FAM184B: variants seen among roughly 807,000 people sequenced by gnomAD.
FAM184B encodes the protein protein FAM184B.
FAM184B carries 111 observed loss-of-function variants against 135.9 expected under a neutral mutation model. That is an observed-to-expected ratio of 0.82 (90% CI 0.70 to 0.96). The LOEUF (loss-of-function observed/expected upper bound fraction) is 0.96. Ranked by LOEUF, FAM184B falls within the 40% of genes least tolerant of loss-of-function variation. The probability of loss-of-function intolerance (pLI) is 0.00; values close to 1 mark genes in which losing one functional copy is unlikely to be tolerated. For synonymous variants in FAM184B, 552 were observed against 524.8 expected (o/e 1.05, Z -0.71); for missense variants, 1,375 against 1,323.9 (o/e 1.04, Z -0.60).
chr4:17,732,078 A>G (rs1175380873), intron 1 of FAM184B, among the ~76,000 whole-genome samples: 1 of 152,230 alleles, frequency 6.6e-6, no homozygotes, highest in Non-Finnish European at 1.5e-5. Flanking sequence ...CCTGCTCCTG[A>G]GTGACTACTG....
chr4:17,779,550 A>T (rs1718994526), intron 1 of FAM184B, among the ~76,000 whole-genome samples: 1 of 152,224 alleles, frequency 6.6e-6, no homozygotes, highest in Non-Finnish European at 1.5e-5. Context: ...TTGCTATTTT[A>T]TATTGAAATG....
At chr4:17,728,295 G>A (rs1379147968) in intron 1 of FAM184B, among the ~76,000 whole-genome samples, 1 of 152,150 alleles carries the variant, frequency 6.6e-6, no homozygotes, top group Non-Finnish European at 1.5e-5. Flanking sequence ...GCTGAGATGG[G>A]AGGATTGCTA....
At chr4:17,653,457 TACA>T (rs1715686309) in intron 10 of FAM184B, among the ~76,000 whole-genome samples, 1 of 152,228 alleles carries the variant, frequency 6.6e-6, no homozygotes, top group African/African-American at 2.4e-5. Context: ...GAGGGGTCCC[TACA>T]GCTTTTCAGT....
intron 1 of FAM184B, among the ~76,000 whole-genome samples, chr4:17,744,405 C>CT (rs1419732984): frequency 2.6e-5 from 4 of 151,456 alleles, no homozygotes; most frequent in Non-Finnish European, 5.9e-5. Context: ...CGAGGCAGGC[C>CT]TTGGGGGCTG....
At chr4:17,768,112 T>C (rs562859380) in intron 1 of FAM184B, among the ~76,000 whole-genome samples, 35 of 152,384 alleles carry the variant, frequency 2.3e-4, no homozygotes, top group African/African-American at 8.4e-4. Flanking sequence ...GAAGTTCTTT[T>C]GATTTTGTTC....
intron 10 of FAM184B, 106 bp from the exon 11 acceptor site, chr4:17,653,089 C>G (rs1373147524): frequency 2.7e-6 from 3 of 1,101,484 alleles, no homozygotes; most frequent in Non-Finnish European, 4.0e-6. Flanking sequence ...AACACTCGCA[C>G]TCTCCCATGG....
At chr4:17,669,803 G>T (rs1335850375) in intron 7 of FAM184B, among the ~76,000 whole-genome samples, 1 of 152,156 alleles carries the variant, frequency 6.6e-6, no homozygotes. Flanking sequence ...GACAAAATGA[G>T]CTAGGATGAG....
rs1714879840 is a variant in FAM184B at position 17,630,128 on chromosome 4, A to G, written c.*2404T>C. 6.6e-6 allele frequency: 1 copy of G among 152,228 alleles called. No individual in the cohort carries two copies. Among genetic ancestry groups the G allele is most frequent in the Non-Finnish European group, 1.5e-5 (1 of 68,044 alleles). 9.4% of individuals were successfully genotyped at this position (152,228 alleles called of 1,614,324 possible). A position where few individuals can be genotyped will look rare whatever the true frequency, so the allele number is the denominator to read the frequency against. On this transcript the variant is annotated 3_prime_UTR_variant, in exon 18 of 18. Transcript: ENST00000265018. The stretch of plus-strand genomic sequence containing the variant: ...AAAATTTTCTCCTTGCCCAGGGATC[A>G]TGCTGAGTTTAAGGACAGAAATGCA...
rs554610610 is a variant in FAM184B at position 17,664,650 on chromosome 4, A to G, written c.1606T>C (p.Leu536=). 5 of 1,549,566 alleles carry G rather than the reference A, an allele frequency of 3.2e-6. No individual in the cohort carries two copies. Among genetic ancestry groups the G allele is most frequent in the Non-Finnish European group, 4.4e-6 (5 of 1,146,526 alleles). Residue 536 remains leucine (L), a synonymous_variant, in exon 8 of 18, where the codon TTG becomes CTG. Transcript: ENST00000265018. ...CSILETQDPC[L]KLDETSPRGE... is the part of the protein sequence containing the mutation. ...CTCGGCGAAGTTTCATCCAGCTTCA[A>G]GCATGGATCCTAAGGCCAAAAAAGA...
chr4:17,674,937 C>T (rs1716279131), intron 7 of FAM184B, among the ~76,000 whole-genome samples: 1 of 152,158 alleles, frequency 6.6e-6, no homozygotes, highest in African/African-American at 2.4e-5. Flanking sequence ...ATCTTGAACC[C>T]CTCCAAGTCA....
At chr4:17,717,635 G>A (rs140536040) in intron 1 of FAM184B, among the ~76,000 whole-genome samples, 157 of 152,280 alleles carry the variant, frequency 1.0e-3, no homozygotes, top group African/African-American at 3.6e-3. Context: ...CACTGCTGAT[G>A]GGTTGACGTC....
intron 1 of FAM184B, among the ~76,000 whole-genome samples, chr4:17,745,240 C>T (rs745436367): frequency 2.6e-5 from 4 of 152,314 alleles, no homozygotes; most frequent in South Asian, 4.2e-4. Context: ...TGCTACTAAC[C>T]GTGATCATGA....
At chr4:17,681,346 A>T (rs1393111309) in intron 7 of FAM184B, among the ~76,000 whole-genome samples, 1 of 152,190 alleles carries the variant, frequency 6.6e-6, no homozygotes, top group Admixed American at 6.5e-5. Flanking sequence ...TCTTGGGCAG[A>T]GCTGGGTGGA....
At position 17,639,382 on chromosome 4, in the gene FAM184B, G is replaced by A; in HGVS notation, c.2534C>T (p.Thr845Ile). Reference protein sequence around the residue: ...LRDQRRFLEETQQAQRAREVE... With the variant: ...LRDQRRFLEEIQQAQRAREVE... The stretch of plus-strand genomic sequence containing the variant: ...CTCCCTGGCCCGCTGGGCTTGCTGA[G>A]TCTCCTCCAGGAACCTGTGGTGGAT... The change falls in exon 14 of 18, where the codon ACT (threonine) becomes ATT (isoleucine). Residue 845 changes from threonine to isoleucine, a missense_variant. Transcript: ENST00000265018. The A allele has an allele frequency of 3.9e-6, 6 of 1,551,648 alleles. No individual in the cohort carries two copies. The highest frequency in any genetic ancestry group is 5.2e-6 in the Non-Finnish European group (6 of 1,146,998).
At chr4:17,691,666 A>T in intron 6 of FAM184B, among the ~76,000 whole-genome samples, 1 of 137,438 alleles carries the variant, frequency 7.3e-6, no homozygotes. Context: ...AGCCTGGGCG[A>T]TAGAGTGAGA....
intron 11 of FAM184B, among the ~76,000 whole-genome samples, chr4:17,649,867 C>CACA (rs1715563665): frequency 1.5e-5 from 1 of 67,656 alleles, no homozygotes; most frequent in East Asian, 9.1e-4. Context: ...CATCCACCCA[C>CACA]TCATCCATCC....
intron 12 of FAM184B, among the ~76,000 whole-genome samples, chr4:17,645,489 T>C (rs1715441595): frequency 1.3e-5 from 2 of 152,314 alleles, no homozygotes; most frequent in East Asian, 3.9e-4. Flanking sequence ...GGATCCCCTA[T>C]TTAATAAATG....
chr4:17,643,057 G>T (rs1412106527), intron 12 of FAM184B, among the ~76,000 whole-genome samples: 4 of 152,248 alleles, frequency 2.6e-5, no homozygotes, highest in Non-Finnish European at 5.9e-5. Flanking sequence ...TGGGATGCCC[G>T]TGGGCACCCA....
intron 7 of FAM184B, among the ~76,000 whole-genome samples, chr4:17,669,627 C>A (rs1364297905): frequency 6.6e-6 from 1 of 152,158 alleles, no homozygotes; most frequent in African/African-American, 2.4e-5. Context: ...GAGAGCTCTT[C>A]TGATAAAAGG....
Sources: gnomAD v4.1 joint callset for allele counts (sites outside exome capture counted in the v4.1 genomes callset) on GRCh38, gnomAD v4.1.1 for gene constraint, MANE v1.5 for transcripts, NCBI Gene and HGNC (gene_info 2026-07-23, HGNC 2026-07-21) for gene names.